Variants in STK39 observed in about 807,000 individuals in gnomAD.
STK39 encodes the protein serine/threonine kinase 39, also known as STE20/SPS1-related proline-alanine-rich protein kinase.
STK39 carries 20 observed loss-of-function variants against 77.8 expected under a neutral mutation model. That is an observed-to-expected ratio of 0.26 (90% confidence interval 0.18 to 0.37). The LOEUF (loss-of-function observed/expected upper bound fraction) is 0.37, where lower values mean the gene tolerates loss of function less well. Among genes scored for constraint, STK39 ranks in the 10% least tolerant of loss-of-function variants. The pLI, the probability that STK39 is intolerant of heterozygous loss-of-function variation, is 1.00. For synonymous variants in STK39, 246 were observed against 234.1 expected, an observed-to-expected ratio of 1.05 and a Z score of -0.47; for missense variants, 479 against 656.5, an observed-to-expected ratio of 0.73 and a Z score of 2.95.
At chr2:168,194,763 T>G (rs1005350752) in intron 1 of STK39, among the ~76,000 whole-genome samples, 1 of 152,248 alleles carries the variant, frequency 6.6e-6, no homozygotes, top group Non-Finnish European at 1.5e-5. Context: ...ATTCAACTTA[T>G]GTTGAGCCTC....
At chr2:168,025,561 G>A (rs1423401901) in intron 14 of STK39, among the ~76,000 whole-genome samples, 1 of 152,160 alleles carries the variant, frequency 6.6e-6, no homozygotes, top group Non-Finnish European at 1.5e-5. Flanking sequence ...ATATACACAC[G>A]TATACATGGC....
chr2:167,984,787 A>T (rs1266044338), intron 16 of STK39, among the ~76,000 whole-genome samples: 2 of 152,232 alleles, frequency 1.3e-5, no homozygotes, highest in African/African-American at 4.8e-5. Context: ...TTAAAAATAC[A>T]CTTAAAATAA....
intron 12 of STK39, among the ~76,000 whole-genome samples, chr2:168,073,440 T>C (rs1685994973): frequency 6.6e-6 from 1 of 152,166 alleles, no homozygotes; most frequent in Non-Finnish European, 1.5e-5. Context: ...GAAATACTCT[T>C]AGAAATAGCA....
intron 1 of STK39, among the ~76,000 whole-genome samples, chr2:168,212,950 A>G (rs1463357395): frequency 6.6e-6 from 1 of 152,222 alleles, no homozygotes; most frequent in East Asian, 1.9e-4. Context: ...CAGGATAGCC[A>G]TTATGGAGGA....
chr2:167,999,741 C>T (rs1173421903), intron 16 of STK39, among the ~76,000 whole-genome samples: 3 of 152,182 alleles, frequency 2.0e-5, no homozygotes, highest in Admixed American at 6.5e-5. Flanking sequence ...GGATTACAGG[C>T]ATGAACCACT....
At chr2:167,975,189 A>C (rs1007102835) in intron 16 of STK39, among the ~76,000 whole-genome samples, 2 of 152,200 alleles carry the variant, frequency 1.3e-5, no homozygotes, top group African/African-American at 4.8e-5. Context: ...ATCATGGAAA[A>C]GACAAAATGC....
intron 17 of STK39, among the ~76,000 whole-genome samples, chr2:167,961,789 T>C (rs1429991374): frequency 6.6e-6 from 1 of 152,204 alleles, no homozygotes; most frequent in Non-Finnish European, 1.5e-5. Context: ...CCTTTTAACA[T>C]TCCCAAAGCC....
intron 10 of STK39, among the ~76,000 whole-genome samples, chr2:168,092,866 A>G (rs755193735): frequency 6.6e-6 from 1 of 152,244 alleles, no homozygotes; most frequent in Non-Finnish European, 1.5e-5. Flanking sequence ...AACACGGAAG[A>G]GAATCAGTTC....
intron 1 of STK39, among the ~76,000 whole-genome samples, chr2:168,220,290 CA>C (rs1690134925): frequency 6.6e-6 from 1 of 152,070 alleles, no homozygotes; most frequent in African/African-American, 2.4e-5. Context: ...TGAGAAGCAA[CA>C]CACATGTACT....
At chr2:167,998,347 C>T (rs1338210003) in intron 16 of STK39, among the ~76,000 whole-genome samples, 1 of 152,218 alleles carries the variant, frequency 6.6e-6, no homozygotes, top group Non-Finnish European at 1.5e-5. Flanking sequence ...AAAATATTCA[C>T]TAAATTCGAC....
intron 14 of STK39, among the ~76,000 whole-genome samples, chr2:168,028,721 GGGTGT>G (rs533592029): frequency 2.3e-3 from 353 of 152,226 alleles, no homozygotes; most frequent in Non-Finnish European, 3.8e-3. Flanking sequence ...TTTAAGTTTA[GGGTGT>G]GGTGGGTTTT....
At chr2:168,151,946 T>C (rs1159494364) in intron 5 of STK39, among the ~76,000 whole-genome samples, 3 of 152,158 alleles carry the variant, frequency 2.0e-5, no homozygotes, top group Non-Finnish European at 4.4e-5. Context: ...AGAGGACCAG[T>C]TGAACAAAAT....
intron 8 of STK39, among the ~76,000 whole-genome samples, chr2:168,136,107 G>A (rs576912698): frequency 2.0e-4 from 31 of 151,942 alleles, no homozygotes; most frequent in South Asian, 4.2e-4. Context: ...GGTAGCTCAT[G>A]CCTGTAATCC....
intron 14 of STK39, among the ~76,000 whole-genome samples, chr2:168,021,072 A>C (rs924240487): frequency 1.3e-5 from 2 of 152,202 alleles, no homozygotes; most frequent in Non-Finnish European, 2.9e-5. Context: ...TGACAGGAAA[A>C]AAATGAGGAA....
At chr2:168,140,205 G>A in intron 7 of STK39, 84 bp downstream of exon 7, 1 of 1,167,568 alleles carries the variant, frequency 8.6e-7, no homozygotes, top group Non-Finnish European at 1.3e-6. Context: ...TCTAAGAGAA[G>A]AATGAAGATG....
At chr2:167,959,037 A>G (rs1691862612) in intron 17 of STK39, among the ~76,000 whole-genome samples, 1 of 152,224 alleles carries the variant, frequency 6.6e-6, no homozygotes, top group African/African-American at 2.4e-5. Context: ...GTAGCGATAC[A>G]AGTTTTCCAA....
At chr2:168,095,415 A>T (rs1686636294) in intron 10 of STK39, among the ~76,000 whole-genome samples, 1 of 152,114 alleles carries the variant, frequency 6.6e-6, no homozygotes, top group Non-Finnish European at 1.5e-5. Flanking sequence ...AACACTCACT[A>T]AGGAAAGACC....
At chr2:168,097,047 C>T (rs13025138) in intron 10 of STK39, among the ~76,000 whole-genome samples, 34,451 of 152,036 alleles carry the variant, frequency 0.23, 4,046 homozygotes, top group East Asian at 0.29. Context: ...ACTTCATTTC[C>T]TAGCACAACC....
intron 14 of STK39, among the ~76,000 whole-genome samples, chr2:168,058,161 T>C (rs1219712907): frequency 6.6e-6 from 1 of 152,208 alleles, no homozygotes; most frequent in Non-Finnish European, 1.5e-5. Context: ...TGCCAATCTC[T>C]TGAACCCAGT....
Sources: gnomAD v4.1 joint callset for allele counts (sites outside exome capture counted in the v4.1 genomes callset) on GRCh38, gnomAD v4.1.1 for gene constraint, MANE v1.5 for transcripts, NCBI Gene and HGNC (gene_info 2026-07-23, HGNC 2026-07-21) for gene names.